VPS33A: variants seen among roughly 807,000 people sequenced by gnomAD.
The protein encoded by VPS33A is VPS33A core subunit of CORVET and HOPS complexes.
A neutral mutation model predicts 71.8 loss-of-function variants in VPS33A; 32 were observed. The ratio of observed to expected loss-of-function variants is 0.45; its 90% CI spans 0.34 to 0.60. VPS33A has a LOEUF of 0.60. Ranked by LOEUF, VPS33A falls within the 20% of genes least tolerant of loss-of-function variation. The pLI, the probability that VPS33A is intolerant of heterozygous loss-of-function variation, is 0.02. For synonymous variants in VPS33A, 311 were observed against 292.7 expected (o/e 1.06, Z -0.64); for missense variants, 625 against 748.5 (o/e 0.84, Z 1.92).
In VPS33A at chr12:122,250,982, C is replaced by A. The variant is rs771418928; in HGVS notation, c.600+1G>T. On this transcript the variant is annotated splice_donor_variant, in intron 5 of 12. Transcript: ENST00000267199. LOFTEE classifies it high-confidence loss of function. ...ACCACCACAAAGCAGCCGGTTCTCACCCGAGCGCATTCTCCTTTCCCAAAG... is the reference window on the plus strand; with the variant it reads ...ACCACCACAAAGCAGCCGGTTCTCAACCGAGCGCATTCTCCTTTCCCAAAG... 6.2e-7 allele frequency: 1 copy of A among 1,612,860 alleles called. No individual in the cohort carries two copies. The highest frequency in any genetic ancestry group is 8.5e-7 in the Non-Finnish European group (1 of 1,178,904).
chr12:122,255,225 CACAGGT>C (rs1954901050), intron 4 of VPS33A, among the ~76,000 whole-genome samples: 1 of 152,170 alleles, frequency 6.6e-6, no homozygotes. Flanking sequence ...AGTATACCAT[CACAGGT>C]ATGTGATAAA....
chr12:122,257,255 C>T (rs1040135530), intron 4 of VPS33A, among the ~76,000 whole-genome samples: 3 of 151,778 alleles, frequency 2.0e-5, no homozygotes, highest in Non-Finnish European at 2.9e-5. Context: ...GGTAAAATCC[C>T]GTCTCTACTA....
At chr12:122,249,414 G>A (rs1954816194) in intron 6 of VPS33A, 1 of 152,212 alleles carries the variant, frequency 6.6e-6, no homozygotes, top group African/African-American at 2.4e-5. Flanking sequence ...AGTAGAGACG[G>A]GCATCTCACC....
At chr12:122,233,655 A>C (rs1954593836) in intron 11 of VPS33A, among the ~76,000 whole-genome samples, 1 of 152,212 alleles carries the variant, frequency 6.6e-6, no homozygotes, top group Non-Finnish European at 1.5e-5. Context: ...AAGATAATAG[A>C]CCAAAGTATA....
Position 122,235,858 on chromosome 12 carries a change from C to A in VPS33A, c.1368G>T (p.Gln456His). ...NLEKAGLLKP[Q>H]TGGRNNYPTI... ...TTGGGTAATTGTTTCTGCCCCCCGT[C>A]TGCGGTTTCAGCAGGCCGGCCTTCT... The change falls in exon 11 of 13, where the codon CAG becomes CAT. Residue 456 changes from glutamine (Q) to histidine (H), a missense_variant. Physicochemically the swap from Gln to His is conservative, Grantham distance 24. Transcript: ENST00000267199. The A allele has an allele frequency of 6.2e-6, 10 of 1,613,780 alleles. No individual in the cohort carries two copies. The highest frequency in any genetic ancestry group is 8.5e-6 in the Non-Finnish European group (10 of 1,179,904).
At chr12:122,266,213 C>A (rs1002626012) in intron 1 of VPS33A, 94 bp downstream of exon 1, 1 of 1,532,096 alleles carries the variant, frequency 6.5e-7, no homozygotes, top group African/African-American at 1.4e-5. Flanking sequence ...GCCCCAAGGA[C>A]CTCATAAACC....
At chr12:122,233,019 T>C (rs760862447) in intron 11 of VPS33A, 51 bp from the exon 12 acceptor site, 21 of 1,480,830 alleles carry the variant, frequency 1.4e-5, no homozygotes, top group Admixed American at 2.5e-5. Flanking sequence ...GACTTAGAGC[T>C]ACCTGACTGT....
chr12:122,235,359 G>A (rs535254220), intron 11 of VPS33A, among the ~76,000 whole-genome samples: 44 of 151,220 alleles, frequency 2.9e-4, no homozygotes, highest in Admixed American at 4.6e-4. Context: ...CCGCCTCCCA[G>A]GTTCAAGCAA....
chr12:122,254,171 A>G (rs1461342453), intron 4 of VPS33A, among the ~76,000 whole-genome samples: 1 of 152,150 alleles, frequency 6.6e-6, no homozygotes, highest in African/African-American at 2.4e-5. Flanking sequence ...TAATTCCCAC[A>G]TTTTACACAG....
At chr12:122,235,368 AATT>A (rs1445139556) in intron 11 of VPS33A, among the ~76,000 whole-genome samples, 2 of 151,036 alleles carry the variant, frequency 1.3e-5, no homozygotes, top group East Asian at 3.9e-4. Flanking sequence ...AGGTTCAAGC[AATT>A]CTCCTGCCTC....
intron 6 of VPS33A, among the ~76,000 whole-genome samples, chr12:122,246,883 T>C (rs937876032): frequency 6.6e-6 from 1 of 152,206 alleles, no homozygotes; most frequent in Non-Finnish European, 1.5e-5. Flanking sequence ...ATTACAGGCA[T>C]AAGCCACCAT....
At chr12:122,255,184 T>C (rs1216572138) in intron 4 of VPS33A, among the ~76,000 whole-genome samples, 1 of 152,178 alleles carries the variant, frequency 6.6e-6, no homozygotes, top group African/African-American at 2.4e-5. Context: ...CAATTCCCAT[T>C]AAATACACAA....
At chr12:122,248,134 A>G (rs1394493684) in intron 6 of VPS33A, 1 of 151,980 alleles carries the variant, frequency 6.6e-6, no homozygotes, top group Non-Finnish European at 1.5e-5. Flanking sequence ...CTGGTCTCAA[A>G]CTTCTGATCT....
chr12:122,252,600 G>A (rs1954860767), intron 4 of VPS33A, among the ~76,000 whole-genome samples: 1 of 151,982 alleles, frequency 6.6e-6, no homozygotes, highest in Non-Finnish European at 1.5e-5. Flanking sequence ...AAAAGAGAGA[G>A]AGAAAAAAAC....
At position 122,245,959 on chromosome 12, in the gene VPS33A, T is replaced by C. The variant is rs78830023; in HGVS notation, c.776-1197A>G. 2.3e-3 allele frequency among the ~76,000 whole-genome samples: 354 copies of C among 152,306 alleles called. 5 individuals carry two copies. In the East Asian group the frequency reaches 0.044, roughly 19 times the overall value. The stretch of plus-strand genomic sequence containing the variant: ...GATCTAGAATAAGCTTCCAAATTCC[T>C]TAGCATGGTATCCACTTCCTCTGCG... On this transcript the variant is annotated intron_variant, in intron 6 of 12. Coordinates refer to ENST00000267199, the MANE Select transcript of VPS33A (RefSeq NM_022916.6).
At chr12:122,247,382 G>A (rs904277509) in intron 6 of VPS33A, among the ~76,000 whole-genome samples, 1 of 151,718 alleles carries the variant, frequency 6.6e-6, no homozygotes, top group East Asian at 1.9e-4. Context: ...CTTCCTGGGT[G>A]CTACATGCTC....
intron 2 of VPS33A, 68 bp from the exon 3 acceptor site, chr12:122,263,767 AATC>A (rs1162691202): frequency 2.0e-6 from 3 of 1,481,120 alleles, no homozygotes; most frequent in Non-Finnish European, 2.7e-6. Flanking sequence ...CAGACTCAGA[AATC>A]ATAAATACCC....
chr12:122,251,778 G>T (rs925467976), intron 4 of VPS33A, among the ~76,000 whole-genome samples: 2 of 152,060 alleles, frequency 1.3e-5, no homozygotes, highest in African/African-American at 4.8e-5. Context: ...CTGTCGTGGG[G>T]TGGGGGAAGG....
chr12:122,248,515 C>G (rs1954805172), intron 6 of VPS33A: 1 of 152,246 alleles, frequency 6.6e-6, no homozygotes, highest in South Asian at 2.1e-4. Flanking sequence ...ACCAGCCAAA[C>G]CAAACATACT....
Sources: gnomAD v4.1 joint callset for allele counts (sites outside exome capture counted in the v4.1 genomes callset) on GRCh38, gnomAD v4.1.1 for gene constraint, MANE v1.5 for transcripts, NCBI Gene and HGNC (gene_info 2026-07-23, HGNC 2026-07-21) for gene names.